The following GLTP variants were observed in gnomAD, a reference collection of about 807,000 sequenced individuals.
The protein encoded by GLTP is glycolipid transfer protein.
GLTP carries 22 observed loss-of-function variants against 24.0 expected under a neutral mutation model. The ratio of observed to expected loss-of-function variants is 0.92; its 90% CI spans 0.65 to 1.31. GLTP has a LOEUF of 1.31. Ranked by LOEUF, GLTP falls within the 50% of genes most tolerant of loss-of-function variation. The pLI, the probability that GLTP is intolerant of heterozygous loss-of-function variation, is 0.00. For synonymous variants in GLTP, 92 were observed against 115.9 expected, an observed-to-expected ratio of 0.79 and a Z score of 1.33; for missense variants, 224 against 276.6, an observed-to-expected ratio of 0.81 and a Z score of 1.35.
Position 109,855,153 on chromosome 12 carries a change from G to A in GLTP, c.447+466C>T, listed in dbSNP as rs1408740719. ...GCAGGTGCTGAAGCCTCACCTCCAG[G>A]AGCCCTGGCCAATGTCACCCCAACA... On this transcript the variant is annotated intron_variant, in intron 4 of 4. Transcript: ENST00000318348. The surrounding 1 kb of genome is among the most constrained non-coding windows in gnomAD (Gnocchi z 4.1). 3.3e-5 allele frequency among the ~76,000 whole-genome samples: 5 copies of A among 152,214 alleles called. No homozygotes were observed. The highest frequency in any genetic ancestry group is 4.4e-5 in the Non-Finnish European group (3 of 68,042).
rs144779725 is a variant in GLTP at position 109,852,701 on chromosome 12, G to A, written c.484C>T (p.Leu162=). 3 of 1,613,098 alleles carry A rather than the reference G, an allele frequency of 1.9e-6. No homozygotes were observed. Among genetic ancestry groups the A allele is most frequent in the African/African-American group, 2.7e-5 (2 of 74,896 alleles). Residue 162 remains leucine, a synonymous_variant, in exon 5 of 5, where the codon CTG becomes TTG. Coordinates refer to ENST00000318348, the MANE Select transcript of GLTP (RefSeq NM_016433.4). The part of the protein sequence containing the change: ...LYAAPYKSDF[L]KALSKGQNVT... Reference sequence around the variant, plus strand: ...TTCTGCCCCTTGGAGAGCGCTTTCAGGAAGTCAGACTTATAGGGTGCTGCG... The same window carrying A: ...TTCTGCCCCTTGGAGAGCGCTTTCAAGAAGTCAGACTTATAGGGTGCTGCG...
intron 1 of GLTP, among the ~76,000 whole-genome samples, chr12:109,877,749 G>A (rs1252387445): frequency 6.6e-6 from 1 of 152,068 alleles, no homozygotes; most frequent in Admixed American, 6.6e-5. Flanking sequence ...CCGGTGACCA[G>A]ACGCTCCCAA....
intron 1 of GLTP, among the ~76,000 whole-genome samples, chr12:109,860,668 C>T (rs1425999768): frequency 6.6e-6 from 1 of 151,806 alleles, no homozygotes; most frequent in African/African-American, 2.4e-5. Context: ...GAGGCGTTTT[C>T]CTTTCTTGGT....
intron 1 of GLTP, among the ~76,000 whole-genome samples, chr12:109,859,390 G>T (rs2136044057): frequency 6.6e-6 from 1 of 152,288 alleles, no homozygotes; most frequent in Admixed American, 6.5e-5. Flanking sequence ...GTGGTGGCTT[G>T]CGCCTGTAAT....
chr12:109,868,693 G>A (rs1868619586), intron 1 of GLTP, among the ~76,000 whole-genome samples: 1 of 152,156 alleles, frequency 6.6e-6, no homozygotes. Flanking sequence ...GTGTGGGGAG[G>A]TTCTATTGCA....
In GLTP at chr12:109,851,284, T is replaced by G. The variant is rs925854644; in HGVS notation, c.*1271A>C. The G allele has an allele frequency of 6.6e-6, 1 of 152,408 alleles. No individual in the cohort carries two copies. The highest frequency in any genetic ancestry group is 2.4e-5 in the African/African-American group (1 of 41,442). 9.4% of individuals were successfully genotyped at this position (152,408 alleles called of 1,614,324 possible). On this transcript the variant is annotated 3_prime_UTR_variant, in exon 5 of 5. Coordinates refer to ENST00000318348, the MANE Select transcript of GLTP (RefSeq NM_016433.4). The stretch of plus-strand genomic sequence containing the variant: ...AACGGAGTCATCTATGGTCAATTGT[T>G]TGTGCCCTATAGCTTTGAAAGAAAC...
In GLTP at chr12:109,855,523, A is replaced by T; in HGVS notation, c.447+96T>A. On this transcript the variant is annotated intron_variant, in intron 4 of 4. Coordinates refer to ENST00000318348, the MANE Select transcript of GLTP (RefSeq NM_016433.4). This position sits in a 1 kb window ranked among gnomAD's most constrained non-coding sequence, Gnocchi z 4.1. ...TTCCTGAGCCCGAGGGGGTAAACAC[A>T]GCCTCACAGGCCAGGAGGCCTCGGC... The T allele has an allele frequency of 8.8e-7, 1 of 1,135,934 alleles. No individual in the cohort carries two copies. The highest frequency in any genetic ancestry group is 1.2e-6 in the Non-Finnish European group (1 of 807,284). The allele number at this position is 1,135,934 out of a possible 1,614,324, so 70.4% of individuals were successfully genotyped here.
At chr12:109,871,057 AGACTAG>A (rs950505269) in intron 1 of GLTP, among the ~76,000 whole-genome samples, 1 of 151,730 alleles carries the variant, frequency 6.6e-6, no homozygotes, top group Admixed American at 6.6e-5. Context: ...ATGAAACCTA[AGACTAG>A]GACCCAACAT....
intron 1 of GLTP, among the ~76,000 whole-genome samples, chr12:109,863,713 GGCT>G (rs1193718026): frequency 1.3e-5 from 2 of 152,180 alleles, no homozygotes; most frequent in Non-Finnish European, 2.9e-5. Flanking sequence ...TCTTCTGCAG[GGCT>G]GCTGTGAGAG....
intron 4 of GLTP, among the ~76,000 whole-genome samples, chr12:109,853,565 T>C (rs953410870): frequency 6.6e-6 from 1 of 151,324 alleles, no homozygotes; most frequent in African/African-American, 2.4e-5. Flanking sequence ...GGCTGGCATC[T>C]GTAGTCCCAC....
intron 1 of GLTP, among the ~76,000 whole-genome samples, chr12:109,859,604 AT>A (rs34889804): frequency 0.55 from 82,888 of 151,264 alleles, 23,397 homozygotes; most frequent in South Asian, 0.65. Flanking sequence ...AACAAAAAAG[AT>A]TTTTTTTAAA....
At chr12:109,868,622 C>A (rs1230302432) in intron 1 of GLTP, among the ~76,000 whole-genome samples, 2 of 152,208 alleles carry the variant, frequency 1.3e-5, no homozygotes, top group African/African-American at 2.4e-5. Flanking sequence ...TAACCCAATT[C>A]ATAAACAGTC....
In GLTP at chr12:109,857,676, A is replaced by G. The variant is rs376287238; in HGVS notation, c.163-17T>C. 6.2e-7 allele frequency: 1 copy of G among 1,613,916 alleles called. No individual in the cohort carries two copies. Among genetic ancestry groups the G allele is most frequent in the African/African-American group, 1.3e-5 (1 of 74,894 alleles). ...TTTGATTTTCTGAAATGGAGCACAC[A>G]AGATTTCCCCTTGGGTAAGCTGCCC... On this transcript the variant is annotated splice_polypyrimidine_tract_variant and intron_variant, in intron 2 of 4. Transcript: ENST00000318348. The surrounding 1 kb of genome is among the most constrained non-coding windows in gnomAD (Gnocchi z 4.3).
chr12:109,876,329 C>G (rs1868877345), intron 1 of GLTP, among the ~76,000 whole-genome samples: 1 of 151,986 alleles, frequency 6.6e-6, no homozygotes, highest in South Asian at 2.1e-4. Flanking sequence ...GGCAATATAA[C>G]AAGATCCCCA....
intron 4 of GLTP, among the ~76,000 whole-genome samples, chr12:109,853,380 A>G (rs1815035818): frequency 6.6e-6 from 1 of 152,094 alleles, no homozygotes; most frequent in Non-Finnish European, 1.5e-5. Flanking sequence ...CAGAAGAAAA[A>G]AGGTACAACT....
At chr12:109,872,944 T>A (rs1238307386) in intron 1 of GLTP, among the ~76,000 whole-genome samples, 1 of 152,242 alleles carries the variant, frequency 6.6e-6, no homozygotes, top group Non-Finnish European at 1.5e-5. Context: ...GCAGGCTGCA[T>A]GTGGCCCAGG....
chr12:109,852,930 G>A (rs1282512395), intron 4 of GLTP, among the ~76,000 whole-genome samples, 193 bp from the exon 5 acceptor site: 1 of 150,648 alleles, frequency 6.6e-6, no homozygotes, highest in Non-Finnish European at 1.5e-5. Context: ...CAGCTTTCGG[G>A]ACAGACAAGC....
intron 1 of GLTP, among the ~76,000 whole-genome samples, chr12:109,863,237 A>G (rs1433595264): frequency 6.6e-6 from 1 of 152,228 alleles, no homozygotes; most frequent in Admixed American, 6.5e-5. Flanking sequence ...GAATTTTCTC[A>G]TAGAAAATAC....
intron 2 of GLTP, chr12:109,858,088 T>C (rs978308481): frequency 3.1e-5 from 14 of 458,596 alleles, no homozygotes; most frequent in Non-Finnish European, 4.8e-5. Flanking sequence ...AACGAAGGCC[T>C]CTGAGATGGA....
Sources: allele counts gnomAD v4.1 joint callset (sites outside exome capture counted in the v4.1 genomes callset), GRCh38; gene constraint gnomAD v4.1.1; non-coding constraint Gnocchi (gnomAD v3.1); transcripts MANE v1.5; gene names NCBI Gene and HGNC (gene_info 2026-07-23, HGNC 2026-07-21).